The following TTC29 variants were observed in gnomAD, a reference collection of about 807,000 sequenced individuals.
The protein encoded by TTC29 is tetratricopeptide repeat protein 29.
A neutral mutation model predicts 58.1 loss-of-function variants in TTC29; 49 were observed. The observed-to-expected ratio is 0.84, with a 90% CI of 0.67 to 1.07. TTC29 has a LOEUF of 1.07. Among genes scored for constraint, TTC29 ranks in the 50% least tolerant of loss-of-function variants. TTC29 has a pLI of 0.00. For synonymous variants in TTC29, 209 were observed against 196.8 expected (o/e 1.06, Z -0.52); for missense variants, 582 against 555.6 (o/e 1.05, Z -0.48).
intron 9 of TTC29, among the ~76,000 whole-genome samples, chr4:146,828,451 T>C (rs983858558): frequency 3.3e-5 from 5 of 152,094 alleles, no homozygotes; most frequent in African/African-American, 1.2e-4. Context: ...TGATGATTTC[T>C]CTGAATATCA....
chr4:146,834,103 G>A (rs183423642), intron 8 of TTC29, among the ~76,000 whole-genome samples: 130 of 152,096 alleles, frequency 8.5e-4, no homozygotes, highest in Admixed American at 1.4e-3. Context: ...TGACAGTGAC[G>A]CCTTACTTTT....
At chr4:146,756,960 G>C (rs1746496785) in intron 11 of TTC29, among the ~76,000 whole-genome samples, 1 of 151,866 alleles carries the variant, frequency 6.6e-6, no homozygotes, top group Admixed American at 6.6e-5. Context: ...GGATTTCCTT[G>C]CATTGGGCTT....
chr4:146,786,587 C>T (rs1019377929), intron 11 of TTC29, among the ~76,000 whole-genome samples: 1 of 152,124 alleles, frequency 6.6e-6, no homozygotes, highest in African/African-American at 2.4e-5. Flanking sequence ...ACTTTAGGCT[C>T]CGAAATCGTA....
intron 8 of TTC29, among the ~76,000 whole-genome samples, chr4:146,850,589 C>T (rs1450275845): frequency 6.6e-6 from 1 of 152,200 alleles, no homozygotes; most frequent in Non-Finnish European, 1.5e-5. Flanking sequence ...ACAAAAACCA[C>T]AACCAGAATC....
At chr4:146,833,049 A>T (rs1728271345) in intron 9 of TTC29, among the ~76,000 whole-genome samples, 1 of 152,190 alleles carries the variant, frequency 6.6e-6, no homozygotes, top group Non-Finnish European at 1.5e-5. Context: ...AATGGGAAGA[A>T]ATTAGAACTT....
At chr4:146,851,330 G>A (rs1466092909) in intron 8 of TTC29, among the ~76,000 whole-genome samples, 1 of 152,228 alleles carries the variant, frequency 6.6e-6, no homozygotes, top group Non-Finnish European at 1.5e-5. Flanking sequence ...AGGATTAGAA[G>A]TGTCAGGAAC....
At chr4:146,779,692 C>T (rs185571721) in intron 11 of TTC29, among the ~76,000 whole-genome samples, 76 of 152,264 alleles carry the variant, frequency 5.0e-4, no homozygotes, top group African/African-American at 1.8e-3. Flanking sequence ...TGAGTCTGGG[C>T]ACCACAGCAC....
At position 146,762,584 on chromosome 4, in the gene TTC29, A is replaced by ACAGGAT. The variant is rs138555120; in HGVS notation, c.1330+40867_1330+40872dup. Among the ~76,000 whole-genome samples, 1,226 of 152,066 alleles carry ACAGGAT rather than the reference A, an allele frequency of 8.1e-3. 15 individuals are homozygous for ACAGGAT. Among genetic ancestry groups the ACAGGAT allele is most frequent in the African/African-American group, 0.028 (1,162 of 41,546 alleles). On this transcript the variant is annotated intron_variant, in intron 11 of 12. Transcript: ENST00000325106. ...TTCAAGAAAAGGTGCCATAATTAAC[A>ACAGGAT]CAGGATCACTGCTTTGAAACATCTG...
chr4:146,940,678 T>C (rs932173080), intron 2 of TTC29, among the ~76,000 whole-genome samples: 1 of 152,218 alleles, frequency 6.6e-6, no homozygotes, highest in Non-Finnish European at 1.5e-5. Flanking sequence ...TAGCTGGGAC[T>C]CAACTGGGGC....
chr4:146,778,976 CAAAAAAA>C (rs369374851), intron 11 of TTC29, among the ~76,000 whole-genome samples: 93 of 28,526 alleles, frequency 3.3e-3, no homozygotes, highest in African/African-American at 0.015. Flanking sequence ...CCTAAATAAG[CAAAAAAA>C]AAAAAAAAAA....
chr4:146,770,223 C>A (rs925627513), intron 11 of TTC29, among the ~76,000 whole-genome samples: 1 of 151,848 alleles, frequency 6.6e-6, no homozygotes, highest in African/African-American at 2.4e-5. Flanking sequence ...ACAGTGGAGT[C>A]TGAAGTGCAG....
intron 8 of TTC29, among the ~76,000 whole-genome samples, chr4:146,858,107 A>G (rs1488762176): frequency 2.0e-5 from 3 of 152,238 alleles, no homozygotes; most frequent in African/African-American, 7.2e-5. Flanking sequence ...GGTATCTTAC[A>G]GTTGAGAACT....
intron 11 of TTC29, among the ~76,000 whole-genome samples, chr4:146,778,395 T>A (rs1248159217): frequency 5.3e-5 from 8 of 152,142 alleles, no homozygotes; most frequent in African/African-American, 1.9e-4. Context: ...CTTGCTTTTT[T>A]TGAAAAAAAA....
chr4:146,904,942 A>G (rs866444190), intron 5 of TTC29, among the ~76,000 whole-genome samples: 1 of 152,214 alleles, frequency 6.6e-6, no homozygotes, highest in Admixed American at 6.5e-5. Context: ...TCCTTTACAT[A>G]TACTTCTTTA....
intron 6 of TTC29, among the ~76,000 whole-genome samples, chr4:146,901,326 T>C (rs530268263): frequency 6.6e-6 from 1 of 152,322 alleles, no homozygotes; most frequent in South Asian, 2.1e-4. Flanking sequence ...CACTCAGAAA[T>C]GACTACTATT....
At chr4:146,728,439 C>A (rs1246024358) in intron 11 of TTC29, among the ~76,000 whole-genome samples, 1 of 151,662 alleles carries the variant, frequency 6.6e-6, no homozygotes, top group Non-Finnish European at 1.5e-5. Context: ...AATTTGCTTG[C>A]CCTTCAGCCT....
At chr4:146,727,581 G>A (rs187221316) in intron 11 of TTC29, among the ~76,000 whole-genome samples, 3 of 152,220 alleles carry the variant, frequency 2.0e-5, no homozygotes, top group Admixed American at 2.0e-4. Flanking sequence ...TCCTAGAGTT[G>A]AAATCATATA....
At chr4:146,804,027 G>A (rs1334940116) in intron 10 of TTC29, among the ~76,000 whole-genome samples, 1 of 152,188 alleles carries the variant, frequency 6.6e-6, no homozygotes, top group African/African-American at 2.4e-5. Flanking sequence ...GGTGATTTCT[G>A]CATTTCCAAC....
chr4:146,747,363 A>T (rs1745624036), intron 11 of TTC29, among the ~76,000 whole-genome samples: 2 of 152,188 alleles, frequency 1.3e-5, no homozygotes, highest in Non-Finnish European at 2.9e-5. Flanking sequence ...AGGCTCAGCC[A>T]CCACTGCACC....
Sources: allele counts gnomAD v4.1 joint callset (sites outside exome capture counted in the v4.1 genomes callset), GRCh38; gene constraint gnomAD v4.1.1; transcripts MANE v1.5; gene names NCBI Gene and HGNC (gene_info 2026-07-23, HGNC 2026-07-21).